The following CADM1 variants were observed in gnomAD, a reference collection of about 807,000 sequenced individuals.
The protein encoded by CADM1 is cell adhesion molecule 1, also known as TSLC-1.
In CADM1, 15 loss-of-function variants were observed where a neutral mutation model predicts 53.1. The ratio of observed to expected loss-of-function variants is 0.28; its 90% CI spans 0.19 to 0.44. CADM1 has a LOEUF of 0.44. CADM1 is among the 20% of genes least tolerant of loss of function. CADM1 has a pLI of 1.00. For missense variants in CADM1, 434 were observed against 611.3 expected, an observed-to-expected ratio of 0.71 and a Z score of 3.06; for synonymous variants, 281 against 243.0, an observed-to-expected ratio of 1.16 and a Z score of -1.45.
intron 3 of CADM1, 72 bp from the exon 4 acceptor site, chr11:115,231,562 A>C: frequency 7.3e-7 from 1 of 1,370,950 alleles, no homozygotes; most frequent in Non-Finnish European, 1.0e-6. Context: ...AAAGGAGAAA[A>C]ACAGTAGACA....
At chr11:115,455,445 T>C (rs1363901515) in intron 1 of CADM1, among the ~76,000 whole-genome samples, 1 of 151,922 alleles carries the variant, frequency 6.6e-6, no homozygotes, top group East Asian at 1.9e-4. Flanking sequence ...TGGTCTCTGG[T>C]AGAAAATGCC....
intron 1 of CADM1, among the ~76,000 whole-genome samples, chr11:115,319,125 C>G (rs1203030913): frequency 6.6e-6 from 1 of 152,104 alleles, no homozygotes; most frequent in Non-Finnish European, 1.5e-5. Context: ...TCACAAACAT[C>G]CATTCTTCTT....
intron 1 of CADM1, among the ~76,000 whole-genome samples, chr11:115,472,887 A>T (rs1949046858): frequency 6.6e-6 from 1 of 152,228 alleles, no homozygotes; most frequent in South Asian, 2.1e-4. Context: ...AGCGAAAAAA[A>T]ACCTTAGATT....
chr11:115,325,943 G>A (rs1304239493), intron 1 of CADM1, among the ~76,000 whole-genome samples: 1 of 152,194 alleles, frequency 6.6e-6, no homozygotes, highest in East Asian at 1.9e-4. Context: ...GTTGGCACCT[G>A]CAATTGCTAG....
intron 1 of CADM1, among the ~76,000 whole-genome samples, chr11:115,343,379 A>G (rs757456677): frequency 1.3e-5 from 2 of 152,152 alleles, no homozygotes; most frequent in Admixed American, 6.6e-5. Context: ...AAGCACCATT[A>G]TCATCCTCAT....
intron 1 of CADM1, among the ~76,000 whole-genome samples, chr11:115,416,698 T>TACACACACACACACACAC (rs34112529): frequency 1.4e-5 from 2 of 141,376 alleles, no homozygotes; most frequent in Non-Finnish European, 3.1e-5. Flanking sequence ...AAGGATTAAA[T>TACACACACACACACACAC]ACACACACAC....
intron 1 of CADM1, among the ~76,000 whole-genome samples, chr11:115,453,208 C>T (rs1428975852): frequency 6.6e-6 from 1 of 151,990 alleles, no homozygotes; most frequent in African/African-American, 2.4e-5. Flanking sequence ...AAAACTCCAT[C>T]TCTACAAAAT....
intron 1 of CADM1, among the ~76,000 whole-genome samples, chr11:115,310,164 A>G (rs1438750115): frequency 2.6e-5 from 4 of 152,170 alleles, no homozygotes; most frequent in Admixed American, 2.6e-4. Flanking sequence ...AAACATATTC[A>G]TAAGTAAAAG....
In CADM1 at chr11:115,504,252, G is replaced by C. The variant is rs1949801517; in HGVS notation, c.124+19C>G. The C allele has an allele frequency of 1.5e-5, 24 of 1,569,268 alleles. No homozygotes were observed. The highest frequency in any genetic ancestry group is 4.7e-5 in the South Asian group (4 of 85,260). ...GCCTTCGGAGATTTAGGGGCCAACC[G>C]GTCGGTGCCCACACCTACCTGTGGG... On this transcript the variant is annotated intron_variant, in intron 1 of 11. Transcript: ENST00000331581.
intron 1 of CADM1, among the ~76,000 whole-genome samples, chr11:115,437,995 G>A (rs1426857641): frequency 1.3e-5 from 2 of 152,162 alleles, no homozygotes; most frequent in East Asian, 1.9e-4. Context: ...CAGGAGCACC[G>A]TGTAACGCCT....
At chr11:115,463,576 T>C (rs377328206) in intron 1 of CADM1, among the ~76,000 whole-genome samples, 2 of 152,202 alleles carry the variant, frequency 1.3e-5, no homozygotes, top group African/African-American at 2.4e-5. Flanking sequence ...AGATTTGCCT[T>C]CCTTTCCTTT....
At chr11:115,439,710 G>A (rs2097845541) in intron 1 of CADM1, among the ~76,000 whole-genome samples, 1 of 152,204 alleles carries the variant, frequency 6.6e-6, no homozygotes, top group Non-Finnish European at 1.5e-5. Context: ...TAGTGACAAA[G>A]CACAGCCAAG....
chr11:115,257,449 G>A (rs1487674157), intron 1 of CADM1, among the ~76,000 whole-genome samples: 3 of 152,160 alleles, frequency 2.0e-5, no homozygotes, highest in Non-Finnish European at 4.4e-5. Context: ...GAAGCTTCCT[G>A]ACATGTCAAA....
chr11:115,468,356 G>A (rs1948939726), intron 1 of CADM1, among the ~76,000 whole-genome samples: 1 of 152,196 alleles, frequency 6.6e-6, no homozygotes, highest in African/African-American at 2.4e-5. Context: ...GAAGATAGTA[G>A]ATTTGAAGCC....
chr11:115,463,578 C>T (rs1948838229), intron 1 of CADM1, among the ~76,000 whole-genome samples: 1 of 152,290 alleles, frequency 6.6e-6, no homozygotes, highest in Non-Finnish European at 1.5e-5. Flanking sequence ...ATTTGCCTTC[C>T]TTTCCTTTGT....
chr11:115,365,983 G>A (rs1946146309), intron 1 of CADM1, among the ~76,000 whole-genome samples: 1 of 152,164 alleles, frequency 6.6e-6, no homozygotes, highest in African/African-American at 2.4e-5. Flanking sequence ...CACAGAATAG[G>A]TTTTATGTAT....
At chr11:115,236,243 C>T (rs1942006450) in intron 3 of CADM1, among the ~76,000 whole-genome samples, 2 of 152,162 alleles carry the variant, frequency 1.3e-5, no homozygotes, top group Non-Finnish European at 2.9e-5. Context: ...TGTCATTCTT[C>T]ATTCATTGTA....
intron 1 of CADM1, among the ~76,000 whole-genome samples, chr11:115,381,266 C>G (rs971302907): frequency 1.3e-5 from 2 of 150,390 alleles, no homozygotes; most frequent in African/African-American, 4.9e-5. Context: ...TGCACTGTAG[C>G]CTGGGCAACA....
chr11:115,439,180 C>A (rs914454136), intron 1 of CADM1, among the ~76,000 whole-genome samples: 1 of 142,296 alleles, frequency 7.0e-6, no homozygotes, highest in African/African-American at 2.5e-5. Context: ...TAAGTAAAGG[C>A]TAACCAGGTA....
Sources: allele counts gnomAD v4.1 joint callset (sites outside exome capture counted in the v4.1 genomes callset), GRCh38; gene constraint gnomAD v4.1.1; transcripts MANE v1.5; gene names NCBI Gene and HGNC (gene_info 2026-07-23, HGNC 2026-07-21).